The following FMNL2 variants were observed in gnomAD, a reference collection of about 807,000 sequenced individuals.
FMNL2 encodes formin like 2.
In FMNL2, 51 loss-of-function variants were observed where a neutral mutation model predicts 130.2. The ratio of observed to expected loss-of-function variants is 0.39; its 90% CI spans 0.31 to 0.49. The LOEUF (loss-of-function observed/expected upper bound fraction) is 0.49, where lower values mean the gene tolerates loss of function less well. Ranked by LOEUF, FMNL2 falls within the 20% of genes least tolerant of loss-of-function variation. The pLI is 0.85. For synonymous variants in FMNL2, 465 were observed against 467.1 expected, an observed-to-expected ratio of 1.00 and a Z score of 0.06; for missense variants, 977 against 1,316.2, an observed-to-expected ratio of 0.74 and a Z score of 3.99.
chr2:152,574,434 C>CAAA (rs57776446), intron 6 of FMNL2, among the ~76,000 whole-genome samples: 67 of 106,916 alleles, frequency 6.3e-4, no homozygotes, highest in African/African-American at 2.1e-3. Context: ...GACTCTGTCT[C>CAAA]AAAAAAAAAA....
At chr2:152,564,820 C>G (rs1695740432) in intron 6 of FMNL2, among the ~76,000 whole-genome samples, 1 of 109,276 alleles carries the variant, frequency 9.2e-6, no homozygotes, top group Admixed American at 1.2e-4. Flanking sequence ...AATGTTGACA[C>G]ACATTTTCCT....
At chr2:152,364,909 G>A (rs897696979) in intron 1 of FMNL2, among the ~76,000 whole-genome samples, 1 of 152,210 alleles carries the variant, frequency 6.6e-6, no homozygotes, top group African/African-American at 2.4e-5. Flanking sequence ...TAATGCCTTA[G>A]TTAAGCTGAA....
At chr2:152,494,448 A>C (rs1007775791) in intron 1 of FMNL2, among the ~76,000 whole-genome samples, 5 of 152,196 alleles carry the variant, frequency 3.3e-5, no homozygotes, top group African/African-American at 1.2e-4. Flanking sequence ...CCACCACAAT[A>C]ATAATGCTGC....
rs1038899649 is a variant in FMNL2, at chr2:152,647,932, G to T, written c.*27G>T. The T allele has an allele frequency of 6.4e-7, 1 of 1,566,854 alleles. No individual in the cohort carries two copies. The highest frequency in any genetic ancestry group is 8.7e-7 in the Non-Finnish European group (1 of 1,149,782). On this transcript the variant is annotated 3_prime_UTR_variant, in exon 26 of 26. Transcript: ENST00000288670. ...CCTGAGACTGGCCTGCATGAATACAGGGTGTGCGTGAATGAAACTGCCCAC... is the reference window on the plus strand; with the variant it reads ...CCTGAGACTGGCCTGCATGAATACATGGTGTGCGTGAATGAAACTGCCCAC...
rs1047530508 is a variant in FMNL2, at chr2:152,625,320, C to T, written c.1838-118C>T. ...CCAGCTTTAAAAACCTACTTGCGCG[C>T]CTCTTGCCAACCTTCCTCCAGTGTC... is the stretch of plus-strand genomic sequence containing the variant. On this transcript the variant is annotated intron_variant, in intron 15 of 25. Transcript: ENST00000288670. 37 of 1,254,892 alleles carry T rather than the reference C, an allele frequency of 2.9e-5. No homozygotes were observed. In the African/African-American group the frequency reaches 5.5e-4, roughly 19 times the overall value. The allele number at this position is 1,254,892 out of a possible 1,614,324, so 77.7% of individuals were successfully genotyped here.
intron 2 of FMNL2, chr2:152,539,494 T>G (rs1694185515): frequency 1.3e-5 from 2 of 152,240 alleles, no homozygotes; most frequent in African/African-American, 4.8e-5. Context: ...CCACCTGAGT[T>G]TTCTTAGAAG....
chr2:152,643,486 T>G (rs1409699233), intron 25 of FMNL2: 1 of 1,536,064 alleles, frequency 6.5e-7, no homozygotes, highest in African/African-American at 1.4e-5. Flanking sequence ...GCGAACCTGT[T>G]CTCACTGAGG....
rs1328559082 is a variant in FMNL2 at position 152,560,852 on chromosome 2, AG to A, written c.444-30del. ...TTATACATGTGAATGTGAATTTTTC[AG>A]TCTTCAATGGCATTTCTCTTTTGTT... On this transcript the variant is annotated intron_variant, in intron 5 of 25. Transcript: ENST00000288670. The A allele has an allele frequency of 1.9e-6, 3 of 1,585,024 alleles. No homozygotes were observed. In the African/African-American group the frequency reaches 4.0e-5, roughly 21 times the overall value.
chr2:152,573,285 A>C (rs369241092), intron 6 of FMNL2, among the ~76,000 whole-genome samples: 1 of 152,210 alleles, frequency 6.6e-6, no homozygotes, highest in Non-Finnish European at 1.5e-5. Flanking sequence ...AATGACACCT[A>C]TCTAGGACTG....
At chr2:152,392,409 T>C (rs1324545483) in intron 1 of FMNL2, among the ~76,000 whole-genome samples, 4 of 152,192 alleles carry the variant, frequency 2.6e-5, no homozygotes, top group Non-Finnish European at 2.9e-5. Context: ...TCCTCCTGTT[T>C]CAGTCTGTTC....
rs938886368 is a variant in FMNL2 at position 152,390,081 on chromosome 2, A to G, written c.117+54361A>G. The G allele has an allele frequency of 3.1e-5, 47 of 1,497,326 alleles. No individual in the cohort carries two copies. The African/African-American group carries it at 5.5e-4, about 18-fold the overall frequency. The allele number at this position is 1,497,326 out of a possible 1,614,324, so 92.8% of individuals were successfully genotyped here. ...CCTTGACTCCCCAGGAAAGCAGGAG[A>G]AGAAGGAGGAAGATGAGGAGGACAA... is the stretch of plus-strand genomic sequence containing the variant. On this transcript the variant is annotated intron_variant, in intron 1 of 25. Transcript: ENST00000288670.
At chr2:152,561,153 G>T in intron 6 of FMNL2, 118 bp downstream of exon 6, 2 of 1,032,076 alleles carry the variant, frequency 1.9e-6, no homozygotes, top group Non-Finnish European at 2.7e-6. Context: ...ACTTTCATTT[G>T]CAATGACTCT....
intron 24 of FMNL2, 53 bp downstream of exon 24, chr2:152,640,109 T>C: frequency 6.9e-7 from 1 of 1,452,296 alleles, no homozygotes; most frequent in Non-Finnish European, 9.2e-7. Flanking sequence ...CTGAGAGGGC[T>C]CTTCAGAGCA....
intron 15 of FMNL2, among the ~76,000 whole-genome samples, chr2:152,622,283 G>A (rs1009991127): frequency 6.6e-6 from 1 of 152,148 alleles, no homozygotes; most frequent in African/African-American, 2.4e-5. Context: ...GCACAGTTCA[G>A]TATTGCTGTT....
intron 1 of FMNL2, among the ~76,000 whole-genome samples, chr2:152,503,890 C>A (rs1691998078): frequency 6.6e-6 from 1 of 152,168 alleles, no homozygotes; most frequent in South Asian, 2.1e-4. Context: ...TTACACATTC[C>A]ACAATGAAGA....
intron 1 of FMNL2, among the ~76,000 whole-genome samples, chr2:152,338,717 G>C (rs1681616296): frequency 6.6e-6 from 1 of 151,900 alleles, no homozygotes; most frequent in Admixed American, 6.6e-5. Flanking sequence ...TATAGTAATA[G>C]TTATAAAACT....
intron 6 of FMNL2, among the ~76,000 whole-genome samples, chr2:152,569,608 G>A (rs2105654727): frequency 6.7e-6 from 1 of 150,158 alleles, no homozygotes; most frequent in Non-Finnish European, 1.5e-5. Context: ...TTGAACATGG[G>A]AGGTCAAGGC....
rs763470402 is a variant in FMNL2 at position 152,636,504 on chromosome 2, C to T, written c.2758C>T (p.His920Tyr). ...CTTGACCAAGAGAGAGTACACCATGCATGACCATAACACGCTGCTGAAGGA... is the reference window on the plus strand; with the variant it reads ...CTTGACCAAGAGAGAGTACACCATGTATGACCATAACACGCTGCTGAAGGA... ...MDLTKREYTM[H>Y]DHNTLLKEFI... Residue 920 changes from histidine (H) to tyrosine (Y), a missense_variant, in exon 22 of 26, where the codon CAT becomes TAT. Physicochemically the swap from His to Tyr is moderately conservative, Grantham distance 83. Coordinates refer to ENST00000288670, the MANE Select transcript of FMNL2 (RefSeq NM_052905.4). 5 of 1,608,838 alleles carry T rather than the reference C, an allele frequency of 3.1e-6. No homozygotes were observed. In the African/African-American group the frequency reaches 5.3e-5, roughly 17 times the overall value.
chr2:152,474,977 T>G (rs1389436809), intron 1 of FMNL2, among the ~76,000 whole-genome samples: 1 of 152,220 alleles, frequency 6.6e-6, no homozygotes, highest in Non-Finnish European at 1.5e-5. Context: ...AAAACTTCAG[T>G]TGCACCCCTA....
Sources: gnomAD v4.1 joint callset for allele counts (sites outside exome capture counted in the v4.1 genomes callset) on GRCh38, gnomAD v4.1.1 for gene constraint, MANE v1.5 for transcripts, NCBI Gene and HGNC (gene_info 2026-07-23, HGNC 2026-07-21) for gene names.